PCSK6: variants seen among roughly 807,000 people sequenced by gnomAD.
PCSK6 encodes the protein proprotein convertase subtilisin/kexin type 6, also known as paired basic amino acid cleaving enzyme 4.
PCSK6 carries 85 observed loss-of-function variants against 123.3 expected under a neutral mutation model. The ratio of observed to expected loss-of-function variants is 0.69; its 90% confidence interval spans 0.58 to 0.83. The LOEUF is 0.83. Ranked by LOEUF, PCSK6 falls within the 40% of genes least tolerant of loss-of-function variation. The pLI, the probability that PCSK6 is intolerant of heterozygous loss-of-function variation, is 0.00. For synonymous variants in PCSK6, 508 were observed against 516.0 expected (o/e 0.98, Z 0.21); for missense variants, 1,191 against 1,282.3 (o/e 0.93, Z 1.09).
chr15:101,436,440 C>T (rs1567220354), intron 2 of PCSK6, among the ~76,000 whole-genome samples: 1 of 152,254 alleles, frequency 6.6e-6, no homozygotes, highest in African/African-American at 2.4e-5. Context: ...TCTTTCTTTT[C>T]TCTTTTCTCC....
At chr15:101,328,105 A>G (rs2040299026) in intron 15 of PCSK6, among the ~76,000 whole-genome samples, 1 of 152,188 alleles carries the variant, frequency 6.6e-6, no homozygotes, top group Non-Finnish European at 1.5e-5. Context: ...ATTGCTTTAA[A>G]TTACCCATTG....
At chr15:101,428,048 C>T (rs890063312) in intron 5 of PCSK6, 68 bp from the exon 6 acceptor site, 2 of 1,227,356 alleles carry the variant, frequency 1.6e-6, no homozygotes, top group Non-Finnish European at 2.3e-6. Context: ...GTGCCTGGCT[C>T]AGTTCAATGC....
chr15:101,356,608 A>C (rs943052375), intron 13 of PCSK6, among the ~76,000 whole-genome samples: 2 of 151,314 alleles, frequency 1.3e-5, no homozygotes, highest in African/African-American at 4.9e-5. Context: ...TAAACCTGGG[A>C]GGCAGAGGTT....
intron 1 of PCSK6, among the ~76,000 whole-genome samples, chr15:101,484,657 CT>C (rs2057976342): frequency 6.6e-6 from 1 of 152,240 alleles, no homozygotes; most frequent in Non-Finnish European, 1.5e-5. Flanking sequence ...TCCCAAAGTG[CT>C]GGGATTACAG....
intron 6 of PCSK6, among the ~76,000 whole-genome samples, chr15:101,419,053 G>A (rs1222141886): frequency 6.6e-6 from 1 of 151,908 alleles, no homozygotes; most frequent in East Asian, 1.9e-4. Flanking sequence ...AAATCAAACA[G>A]AACCTATAAA....
chr15:101,484,687 G>A (rs113928517), intron 1 of PCSK6, among the ~76,000 whole-genome samples: 101 of 152,196 alleles, frequency 6.6e-4, no homozygotes, highest in African/African-American at 2.1e-3. Flanking sequence ...CACCACGCCC[G>A]GCCTGCTTTG....
rs142608851 is a variant in PCSK6, at chr15:101,375,829, G to T, written c.1533-5306C>A. On this transcript the variant is annotated intron_variant, in intron 11 of 21. Transcript: ENST00000611716. ...GTGGGTGAATCACTTGAGGTCAGGA[G>T]TTCGAGACCAGCCTGGCCAACATGG... Among the ~76,000 whole-genome samples the T allele has an allele frequency of 3.4e-3, 520 of 152,292 alleles. 4 individuals carry two copies. Among genetic ancestry groups the T allele is most frequent in the African/African-American group, 0.012 (484 of 41,570 alleles).
intron 1 of PCSK6, among the ~76,000 whole-genome samples, chr15:101,468,288 T>C (rs1447805624): frequency 1.3e-5 from 2 of 152,108 alleles, no homozygotes; most frequent in African/African-American, 4.8e-5. Flanking sequence ...ATTGTCACCA[T>C]CATCATCATC....
At chr15:101,476,867 G>T (rs1336499658) in intron 1 of PCSK6, among the ~76,000 whole-genome samples, 1 of 152,204 alleles carries the variant, frequency 6.6e-6, no homozygotes, top group Non-Finnish European at 1.5e-5. Flanking sequence ...GAACTGAACA[G>T]ATGTTACCAA....
rs556809199 is a variant in PCSK6, at chr15:101,326,832, T to G, written c.2078-353A>C. On this transcript the variant is annotated intron_variant, in intron 15 of 21. Transcript: ENST00000611716. ...AGGCTGGAACAGCTGTTTCATTCAC[T>G]CACTTGCACCAGTCATCATGCTGGG... Among the ~76,000 whole-genome samples the G allele has an allele frequency of 2.0e-5, 3 of 152,292 alleles. No individual in the cohort carries two copies. In the East Asian group the frequency reaches 5.8e-4, roughly 29 times the overall value.
In PCSK6 at chr15:101,370,467, T is replaced by C; in HGVS notation, c.1589A>G (p.Glu530Gly). The C allele has an allele frequency of 6.5e-7, 1 of 1,549,758 alleles. No homozygotes were observed. The highest frequency in any genetic ancestry group is 8.7e-7 in the Non-Finnish European group (1 of 1,145,898). ...GTAGACCACCCGCTGGTCCGAGTGC[T>C]CCGCGCAGGCGCTGGTCAGGGCCGT... is the stretch of plus-strand genomic sequence containing the variant. Reference protein sequence around the residue: ...RTTALTSACAEHSDQRVVYLE... With the variant: ...RTTALTSACAGHSDQRVVYLE... Residue 530 changes from glutamate (E) to glycine (G), a missense_variant, in exon 12 of 22, where the codon GAG (glutamate) becomes GGG (glycine). This residue lies in a region of PCSK6 where 630 missense variants were observed against 631.4 expected (regional missense o/e 1.00). Transcript: ENST00000611716.
At chr15:101,372,061 C>A (rs2041602675) in intron 11 of PCSK6, among the ~76,000 whole-genome samples, 1 of 152,206 alleles carries the variant, frequency 6.6e-6, no homozygotes, top group Non-Finnish European at 1.5e-5. Context: ...AAAATCTGTA[C>A]CCCAAGGCTG....
intron 1 of PCSK6, among the ~76,000 whole-genome samples, chr15:101,468,016 G>A (rs2057508254): frequency 6.6e-6 from 1 of 152,092 alleles, no homozygotes; most frequent in African/African-American, 2.4e-5. Flanking sequence ...AATATATTGT[G>A]GGAAATATTT....
intron 20 of PCSK6, chr15:101,312,937 A>T (rs1428559693): frequency 6.0e-6 from 4 of 662,778 alleles, no homozygotes; most frequent in Non-Finnish European, 7.8e-6. Context: ...TCCCAGAGGC[A>T]GAGGTTGCAG....
chr15:101,319,997 G>GTCCCT (rs1315904730), intron 18 of PCSK6, among the ~76,000 whole-genome samples: 6 of 152,168 alleles, frequency 3.9e-5, no homozygotes, highest in Non-Finnish European at 8.8e-5. Flanking sequence ...ACTCGTGATT[G>GTCCCT]ACATCAAAGT....
chr15:101,436,520 C>T (rs1259664965), intron 2 of PCSK6, among the ~76,000 whole-genome samples: 1 of 152,206 alleles, frequency 6.6e-6, no homozygotes, highest in Non-Finnish European at 1.5e-5. Context: ...CAAGCCAGAC[C>T]TGACTGTCCA....
intron 15 of PCSK6, among the ~76,000 whole-genome samples, chr15:101,326,698 T>C (rs900850581): frequency 9.9e-5 from 15 of 152,222 alleles, no homozygotes; most frequent in African/African-American, 3.6e-4. Flanking sequence ...GTCTGAGCAC[T>C]CTAGACAGGG....
In PCSK6 at chr15:101,476,571, A is replaced by C. The variant is rs546295849; in HGVS notation, c.297+12803T>G. On this transcript the variant is annotated intron_variant, in intron 1 of 21. Coordinates refer to ENST00000611716, the MANE Select transcript of PCSK6 (RefSeq NM_002570.5). The stretch of plus-strand genomic sequence containing the variant: ...GTGATTCCATTTATATTAAAAAAAA[A>C]AAAAACAACAAAAATTCTTTTTGTG... Among the ~76,000 whole-genome samples the C allele has an allele frequency of 4.0e-3, 607 of 152,180 alleles. 6 individuals are homozygous for C. The highest frequency in any genetic ancestry group is 0.013 in the African/African-American group (551 of 41,550).
intron 17 of PCSK6, 113 bp from the exon 18 acceptor site, chr15:101,322,720 G>A (rs1332595418): frequency 1.5e-5 from 10 of 686,578 alleles, no homozygotes; most frequent in Admixed American, 9.0e-5. Context: ...GCTGTTCCCC[G>A]AGTCCACCTC....
Sources: allele counts gnomAD v4.1 joint callset (sites outside exome capture counted in the v4.1 genomes callset), GRCh38; gene constraint gnomAD v4.1.1; regional missense constraint gnomAD v4.1.1; transcripts MANE v1.5; gene names NCBI Gene and HGNC (gene_info 2026-07-23, HGNC 2026-07-21).